The following ADAMTSL1 variants were observed in gnomAD, a reference collection of about 807,000 sequenced individuals.
ADAMTSL1 encodes the protein ADAMTS-like protein 1.
Under a neutral mutation model 201.8 loss-of-function variants are expected in ADAMTSL1, and 126 were observed. The ratio of observed to expected loss-of-function variants is 0.62; its 90% CI spans 0.54 to 0.72. The LOEUF (loss-of-function observed/expected upper bound fraction) is 0.72. Among genes scored for constraint, ADAMTSL1 ranks in the 30% least tolerant of loss-of-function variants. The probability of loss-of-function intolerance (pLI) is 0.00; values close to 1 mark genes in which losing one functional copy is unlikely to be tolerated. For missense variants in ADAMTSL1, 2,679 were observed against 2,277.8 expected, an observed-to-expected ratio of 1.18 and a Z score of -3.59; for synonymous variants, 1,121 against 903.4, an observed-to-expected ratio of 1.24 and a Z score of -4.32.
intron 16 of ADAMTSL1, among the ~76,000 whole-genome samples, chr9:18,754,897 G>A (rs955298153): frequency 1.3e-5 from 2 of 152,114 alleles, no homozygotes; most frequent in Non-Finnish European, 2.9e-5. Context: ...ATGTACCAGC[G>A]CTTAAGAAAT....
chr9:18,175,694 C>A (rs1828114260), intron 2 of ADAMTSL1, among the ~76,000 whole-genome samples: 1 of 152,102 alleles, frequency 6.6e-6, no homozygotes, highest in African/African-American at 2.4e-5. Context: ...TTAACTCAAT[C>A]CAAGTCCTAC....
At chr9:18,336,667 C>T (rs1835255393) in intron 2 of ADAMTSL1, among the ~76,000 whole-genome samples, 2 of 152,092 alleles carry the variant, frequency 1.3e-5, no homozygotes, top group African/African-American at 4.8e-5. Flanking sequence ...GTAAAAGGAA[C>T]TCGGCAACTC....
rs1826149839 is a variant in ADAMTSL1 at position 18,623,296 on chromosome 9, C to T, written c.601+927C>T. Among the ~76,000 whole-genome samples, 9 of 151,684 alleles carry T rather than the reference C, an allele frequency of 5.9e-5. No individual in the cohort carries two copies. In the South Asian group the frequency reaches 1.9e-3, roughly 32 times the overall value. On this transcript the variant is annotated intron_variant, in intron 5 of 28. Coordinates refer to ENST00000380548, the MANE Select transcript of ADAMTSL1 (RefSeq NM_001040272.6). ...ACATGTACTTGCTGAGAATTTCACA[C>T]AATCGTCCCATGTAATTGTTATAAC... is the stretch of plus-strand genomic sequence containing the variant.
At position 18,474,315 on chromosome 9, in the gene ADAMTSL1, A is replaced by G; in HGVS notation, c.63+20A>G. The G allele has an allele frequency of 1.2e-6, 2 of 1,613,690 alleles. No individual in the cohort carries two copies. The highest frequency in any genetic ancestry group is 1.7e-6 in the Non-Finnish European group (2 of 1,179,758). On this transcript the variant is annotated intron_variant, in intron 1 of 28. Transcript: ENST00000380548. ...CTCCTGGTAAATGCCTTTTCATTTC[A>G]ATGCATTGCTATTGCCATTGAGTCT...
At chr9:18,380,933 C>G (rs1837532588) in intron 2 of ADAMTSL1, among the ~76,000 whole-genome samples, 2 of 152,192 alleles carry the variant, frequency 1.3e-5, no homozygotes, top group Non-Finnish European at 2.9e-5. Context: ...GAAGGAGCTA[C>G]AGACATCCCG....
chr9:17,989,592 T>C (rs1297112732), intron 1 of ADAMTSL1, among the ~76,000 whole-genome samples: 1 of 152,062 alleles, frequency 6.6e-6, no homozygotes, highest in East Asian at 1.9e-4. Context: ...AAAGCCTTTT[T>C]TGAAATAATT....
intron 3 of ADAMTSL1, among the ~76,000 whole-genome samples, chr9:18,551,157 T>C (rs1473943135): frequency 6.6e-6 from 1 of 151,888 alleles, no homozygotes; most frequent in East Asian, 1.9e-4. Context: ...TTTCAATCCA[T>C]ATTCCCACCA....
chr9:18,440,662 G>A (rs923081506), intron 2 of ADAMTSL1, among the ~76,000 whole-genome samples: 29 of 150,920 alleles, frequency 1.9e-4, no homozygotes, highest in African/African-American at 7.1e-4. Context: ...TTATAAGTAG[G>A]CTTTCCTAAA....
Position 18,761,767 on chromosome 9 carries a change from T to A in ADAMTSL1, c.2217+8259T>A, listed in dbSNP as rs868777368. Among the ~76,000 whole-genome samples, 8 of 152,336 alleles carry A rather than the reference T, an allele frequency of 5.3e-5. 1 individual carries two copies. In the South Asian group the frequency reaches 1.2e-3, roughly 24 times the overall value. ...TCAAATTTCATCTTCTACAATTTTTTAAAATTTCTAAAAATGCCTTTCATC... is the reference window on the plus strand; with the variant it reads ...TCAAATTTCATCTTCTACAATTTTTAAAAATTTCTAAAAATGCCTTTCATC... On this transcript the variant is annotated intron_variant, in intron 16 of 28. Transcript: ENST00000380548.
At chr9:18,140,296 T>C (rs772944179) in intron 1 of ADAMTSL1, among the ~76,000 whole-genome samples, 4 of 152,100 alleles carry the variant, frequency 2.6e-5, no homozygotes, top group Non-Finnish European at 4.4e-5. Context: ...CACCCTCAGT[T>C]TCAGTGATTT....
chr9:18,503,980 A>ATGTGTG (rs57749719), intron 1 of ADAMTSL1, among the ~76,000 whole-genome samples: 2,826 of 148,116 alleles, frequency 0.019, 90 homozygotes, highest in African/African-American at 0.065. Context: ...ATGTGCATGC[A>ATGTGTG]TGTGTGTGTG....
intron 4 of ADAMTSL1, among the ~76,000 whole-genome samples, chr9:18,590,222 C>A (rs76569951): frequency 0.014 from 2,075 of 152,106 alleles, 46 homozygotes; most frequent in African/African-American, 0.041. Context: ...CATCATTGAT[C>A]TGTTCAGTTT....
chr9:18,571,226 C>T (rs1051622434), intron 3 of ADAMTSL1, among the ~76,000 whole-genome samples: 3 of 152,112 alleles, frequency 2.0e-5, no homozygotes, highest in African/African-American at 7.2e-5. Context: ...GAATTGGAAA[C>T]GTGCAGAAAA....
rs779888788 is a variant in ADAMTSL1 at position 18,892,604 on chromosome 9, G to A, written c.4851+8G>A. Reference sequence around the variant, plus strand: ...TTCTCCAGCTGGGGCCAGGTGAGGAGCCAGAGAGGTTGTTATTTGAAAGCT... The same window carrying A: ...TTCTCCAGCTGGGGCCAGGTGAGGAACCAGAGAGGTTGTTATTTGAAAGCT... On this transcript the variant is annotated splice_region_variant and intron_variant, in intron 26 of 28. Coordinates refer to ENST00000380548, the MANE Select transcript of ADAMTSL1 (RefSeq NM_001040272.6). The A allele has an allele frequency of 1.3e-6, 2 of 1,553,144 alleles. No individual in the cohort carries two copies. Among genetic ancestry groups the A allele is most frequent in the Non-Finnish European group, 1.7e-6 (2 of 1,148,046 alleles).
intron 2 of ADAMTSL1, among the ~76,000 whole-genome samples, chr9:18,462,048 G>T (rs1238467656): frequency 6.6e-6 from 1 of 152,078 alleles, no homozygotes; most frequent in East Asian, 1.9e-4. Context: ...AAAAATCTGT[G>T]TATAAGTGGA....
chr9:18,515,522 A>G (rs1345703164), intron 2 of ADAMTSL1, among the ~76,000 whole-genome samples: 2 of 152,070 alleles, frequency 1.3e-5, no homozygotes, highest in African/African-American at 2.4e-5. Context: ...TTTTGTAGAG[A>G]CAGGGTTTCA....
At chr9:18,639,035 T>A (rs890270749) in intron 6 of ADAMTSL1, among the ~76,000 whole-genome samples, 2 of 152,148 alleles carry the variant, frequency 1.3e-5, no homozygotes, top group Middle Eastern at 3.2e-3. Flanking sequence ...CTTGAATGCC[T>A]GGCTAATGAC....
intron 15 of ADAMTSL1, among the ~76,000 whole-genome samples, chr9:18,738,119 A>C (rs147307047): frequency 6.6e-6 from 1 of 152,210 alleles, no homozygotes; most frequent in Non-Finnish European, 1.5e-5. Flanking sequence ...AGTTGCTAAA[A>C]ATGCACTAAG....
chr9:18,759,156 T>C (rs1280560159), intron 16 of ADAMTSL1, among the ~76,000 whole-genome samples: 1 of 152,196 alleles, frequency 6.6e-6, no homozygotes, highest in East Asian at 1.9e-4. Flanking sequence ...CAGAAACAAT[T>C]GCCACAATCT....
Sources: gnomAD v4.1 joint callset for allele counts (sites outside exome capture counted in the v4.1 genomes callset) on GRCh38, gnomAD v4.1.1 for gene constraint, MANE v1.5 for transcripts, NCBI Gene and HGNC (gene_info 2026-07-23, HGNC 2026-07-21) for gene names.